The following SLC35E2B variants were observed in gnomAD, a reference collection of about 807,000 sequenced individuals.
The protein encoded by SLC35E2B is solute carrier family 35 member E2B.
In SLC35E2B, 18 loss-of-function variants were observed where a neutral mutation model predicts 32.4. The observed-to-expected ratio is 0.56, with a 90% CI of 0.38 to 0.82. The LOEUF (loss-of-function observed/expected upper bound fraction) is 0.82. Ranked by LOEUF, SLC35E2B falls within the 40% of genes least tolerant of loss-of-function variation. The pLI, the probability that SLC35E2B is intolerant of heterozygous loss-of-function variation, is 0.00. For missense variants in SLC35E2B, 263 were observed against 469.5 expected (o/e 0.56, Z 4.06); for synonymous variants, 132 against 209.1 (o/e 0.63, Z 3.18).
intron 2 of SLC35E2B, among the ~76,000 whole-genome samples, chr1:1,678,917 G>A (rs901433802): frequency 6.6e-6 from 1 of 152,138 alleles, no homozygotes. Context: ...CTTTCCTGAG[G>A]TGAAAATCCA....
chr1:1,669,853 G>C (rs2101095410), intron 7 of SLC35E2B, 117 bp from the exon 8 acceptor site: 1 of 1,112,658 alleles, frequency 9.0e-7, no homozygotes, highest in African/African-American at 1.5e-5. Flanking sequence ...ATTCTCTCTA[G>C]ACAGGACTAG....
Position 1,679,258 on chromosome 1 carries a change from C to T in SLC35E2B, c.-147-2412G>A, listed in dbSNP as rs182818701. The stretch of plus-strand genomic sequence containing the variant: ...ACGCCAGTCACGTCCCACCTGACGT[C>T]GAGGCAAACCTGGAATTCAAAAGGC... On this transcript the variant is annotated intron_variant, in intron 2 of 9. Transcript: ENST00000617444. Among the ~76,000 whole-genome samples, 50 of 152,292 alleles carry T rather than the reference C, an allele frequency of 3.3e-4. No homozygotes were observed. In the East Asian group the frequency reaches 6.6e-3, roughly 20 times the overall value.
At chr1:1,684,677 C>T (rs543634399) in intron 2 of SLC35E2B, among the ~76,000 whole-genome samples, 1 of 150,772 alleles carries the variant, frequency 6.6e-6, no homozygotes, top group East Asian at 2.0e-4. Flanking sequence ...GCAGTCCCAG[C>T]TACTTGGCAG....
intron 9 of SLC35E2B, among the ~76,000 whole-genome samples, chr1:1,666,974 A>T (rs1184255422): frequency 1.4e-5 from 2 of 137,972 alleles, no homozygotes; most frequent in Admixed American, 7.4e-5. Flanking sequence ...GCATGGTGGC[A>T]CACGCCTGTA....
At chr1:1,670,999 A>G (rs752989753) in intron 6 of SLC35E2B, 1 of 152,242 alleles carries the variant, frequency 6.6e-6, no homozygotes, top group Non-Finnish European at 1.5e-5. Flanking sequence ...CCGAGTGACA[A>G]AGACGTAAAT....
At chr1:1,689,491 G>C (rs1004778467) in intron 2 of SLC35E2B, among the ~76,000 whole-genome samples, 1 of 151,560 alleles carries the variant, frequency 6.6e-6, no homozygotes, top group African/African-American at 2.4e-5. Context: ...GCAGGGTCAC[G>C]ATTCGAACCC....
rs190231537 is a variant in SLC35E2B at position 1,663,716 on chromosome 1, G to T, written c.*2066C>A. ...GAACTCCTGGCCTTGTGATCCGCCA[G>T]CTGCTGCCTCCCAAAGTGCTGCGAT... On this transcript the variant is annotated 3_prime_UTR_variant, in exon 10 of 10. Transcript: ENST00000617444. The T allele has an allele frequency of 2.1e-3, 990 of 471,982 alleles. 100 individuals are homozygous for T. In the Admixed American group the frequency reaches 0.043, roughly 20 times the overall value. 29.2% of individuals were successfully genotyped at this position (471,982 alleles called of 1,614,324 possible).
At chr1:1,670,321 C>T (rs1020360036) in intron 6 of SLC35E2B, 170 bp from the exon 7 acceptor site, 29 of 570,394 alleles carry the variant, frequency 5.1e-5, no homozygotes, top group African/African-American at 9.5e-5. Context: ...AGGGTTTCAC[C>T]GTGTTGGCCA....
intron 2 of SLC35E2B, among the ~76,000 whole-genome samples, chr1:1,680,569 C>G (rs1643891530): frequency 6.6e-6 from 1 of 152,124 alleles, no homozygotes; most frequent in South Asian, 2.1e-4. Context: ...CCGACCTGTG[C>G]TCCCACAGCC....
chr1:1,687,255 G>A (rs910633430), intron 2 of SLC35E2B, among the ~76,000 whole-genome samples: 14 of 151,918 alleles, frequency 9.2e-5, no homozygotes, highest in Admixed American at 8.5e-4. Context: ...CGCTCCCAGC[G>A]CCCTAACCTT....
intron 2 of SLC35E2B, among the ~76,000 whole-genome samples, chr1:1,681,347 G>T: frequency 6.6e-6 from 1 of 151,832 alleles, no homozygotes; most frequent in East Asian, 1.9e-4. Context: ...ACAGGCGCCC[G>T]CCACCACGCC....
chr1:1,685,884 T>C (rs1265208835), intron 2 of SLC35E2B, among the ~76,000 whole-genome samples: 1 of 152,126 alleles, frequency 6.6e-6, no homozygotes, highest in Non-Finnish European at 1.5e-5. Context: ...CAGGCTGGAG[T>C]GCAATGGCGC....
chr1:1,668,112 C>G (rs538188686), intron 9 of SLC35E2B, among the ~76,000 whole-genome samples: 1 of 152,212 alleles, frequency 6.6e-6, no homozygotes, highest in South Asian at 2.1e-4. Flanking sequence ...CTTGTCCTCT[C>G]AAGTGCTGGG....
At position 1,665,521 on chromosome 1, in the gene SLC35E2B, A is replaced by T. The variant is rs1332157293; in HGVS notation, c.*261T>A. On this transcript the variant is annotated 3_prime_UTR_variant, in exon 10 of 10. Transcript: ENST00000617444. ...GGCACCCCCAGCATGGGAGCCTCAG[A>T]GGCTGTTTTCACATTACACGGGGAT... is the stretch of plus-strand genomic sequence containing the variant. 8 of 585,922 alleles carry T rather than the reference A, an allele frequency of 1.4e-5. No homozygotes were observed. The highest frequency in any genetic ancestry group is 2.4e-5 in the Non-Finnish European group (8 of 338,820). The allele number at this position is 585,922 out of a possible 1,614,324, so 36.3% of individuals were successfully genotyped here. A position where few individuals can be genotyped will look rare whatever the true frequency, so the allele number is the denominator to read the frequency against.
chr1:1,672,999 G>T (rs1557755671), intron 5 of SLC35E2B: 2 of 155,046 alleles, frequency 1.3e-5, no homozygotes, highest in Non-Finnish European at 2.9e-5. Flanking sequence ...AAACTTGCTG[G>T]AAATAAACGG....
intron 2 of SLC35E2B, among the ~76,000 whole-genome samples, chr1:1,687,061 CAAAT>C (rs1020603753): frequency 1.3e-4 from 19 of 151,778 alleles, no homozygotes; most frequent in African/African-American, 4.4e-4. Context: ...GTCTCAAAAA[CAAAT>C]AAATAAATAA....
intron 6 of SLC35E2B, 121 bp from the exon 7 acceptor site, chr1:1,670,272 C>T (rs541419334): frequency 8.6e-6 from 6 of 698,394 alleles, no homozygotes; most frequent in Non-Finnish European, 9.9e-6. Context: ...GTGGTGCCCG[C>T]CACCACGCCT....
chr1:1,671,441 T>G, intron 6 of SLC35E2B, 68 bp downstream of exon 6: 1 of 1,330,358 alleles, frequency 7.5e-7, no homozygotes, highest in Non-Finnish European at 9.8e-7. Context: ...CACCTGAGAA[T>G]CTGCACACCC....
Position 1,669,685 on chromosome 1 carries a change from G to T in SLC35E2B, c.813C>A (p.Val271=). The T allele has an allele frequency of 1.3e-6, 2 of 1,530,348 alleles. No homozygotes were observed. Among genetic ancestry groups the T allele is most frequent in the Non-Finnish European group, 1.8e-6 (2 of 1,130,964 alleles). 94.8% of individuals were successfully genotyped at this position (1,530,348 alleles called of 1,614,324 possible). A position where few individuals can be genotyped will look rare whatever the true frequency, so the allele number is the denominator to read the frequency against. The change falls in exon 8 of 10, where the codon GTC becomes GTA. Residue 271 remains valine, a synonymous_variant. Transcript: ENST00000617444. The part of the protein sequence containing the change: ...YTSAAAVAML[V]PARVFFTDVP... ...CCACCGTAAAGAAAACCCGGGCCGG[G>T]ACGAGCATGGCCACCGCAGCGGCGC...
Sources: allele counts gnomAD v4.1 joint callset (sites outside exome capture counted in the v4.1 genomes callset), GRCh38; gene constraint gnomAD v4.1.1; transcripts MANE v1.5; gene names NCBI Gene and HGNC (gene_info 2026-07-23, HGNC 2026-07-21).